The following WIPI2 variants were observed in gnomAD, a reference collection of about 807,000 sequenced individuals.
WIPI2 encodes the protein WD repeat domain, phosphoinositide interacting 2.
A neutral mutation model predicts 52.3 loss-of-function variants in WIPI2; 28 were observed. That is an observed-to-expected ratio of 0.54 (90% CI 0.40 to 0.73). WIPI2 has a LOEUF of 0.73. WIPI2 is among the 30% of genes least tolerant of loss of function. WIPI2 has a pLI of 0.00. For missense variants in WIPI2, 506 were observed against 602.9 expected, an observed-to-expected ratio of 0.84 and a Z score of 1.68; for synonymous variants, 268 against 245.0, an observed-to-expected ratio of 1.09 and a Z score of -0.88.
chr7:5,193,850 T>G (rs2115192676), intron 2 of WIPI2, among the ~76,000 whole-genome samples: 1 of 152,336 alleles, frequency 6.6e-6, no homozygotes, highest in Non-Finnish European at 1.5e-5. Context: ...GCATTGGGAT[T>G]ACAGGTGTGA....
In WIPI2 at chr7:5,217,075, G is replaced by A. The variant is rs143225291; in HGVS notation, c.479-15G>A. The A allele has an allele frequency of 6.2e-4, 995 of 1,601,554 alleles. 2 individuals are homozygous for A. The highest frequency in any genetic ancestry group is 7.5e-4 in the Non-Finnish European group (879 of 1,169,756). On this transcript the variant is annotated splice_polypyrimidine_tract_variant and intron_variant, in intron 5 of 12. Transcript: ENST00000288828. ...GGTGGAAGTTTGCATCTCGTCCTCC[G>A]TGTGTCATTTGCAGGCCTGTGTGCG...
chr7:5,199,831 G>A (rs771651860), intron 3 of WIPI2, among the ~76,000 whole-genome samples, 173 bp downstream of exon 3: 2 of 152,152 alleles, frequency 1.3e-5, no homozygotes, highest in East Asian at 1.9e-4. Flanking sequence ...ACCTGTGGCC[G>A]TCTGCCCTGA....
chr7:5,205,189 T>G (rs993098754), intron 3 of WIPI2, among the ~76,000 whole-genome samples: 22 of 152,252 alleles, frequency 1.4e-4, no homozygotes, highest in African/African-American at 5.1e-4. Context: ...TTGGCTAGGC[T>G]GGTCTGGAAC....
In WIPI2 at chr7:5,190,414, C is replaced by G; in HGVS notation, c.-6C>G. On this transcript the variant is annotated 5_prime_UTR_variant, in exon 1 of 13. Coordinates refer to ENST00000288828, the MANE Select transcript of WIPI2 (RefSeq NM_015610.4). ...CCGGCCGGGCCCACTCGCCGCGCGCCCAGCCATGAACCTGGCGAGCCAGAG... is the reference window on the plus strand; with the variant it reads ...CCGGCCGGGCCCACTCGCCGCGCGCGCAGCCATGAACCTGGCGAGCCAGAG... The G allele has an allele frequency of 7.1e-7, 1 of 1,414,832 alleles. No individual in the cohort carries two copies. 87.6% of individuals were successfully genotyped at this position (1,414,832 alleles called of 1,614,324 possible).
At chr7:5,195,770 G>A (rs1346812135) in intron 2 of WIPI2, among the ~76,000 whole-genome samples, 7 of 152,128 alleles carry the variant, frequency 4.6e-5, no homozygotes, top group East Asian at 1.9e-4. Flanking sequence ...GGCCAGGCAC[G>A]GTGGTCACGC....
intron 11 of WIPI2, 107 bp downstream of exon 11, chr7:5,228,318 G>A (rs1783545958): frequency 4.6e-6 from 5 of 1,080,776 alleles, no homozygotes; most frequent in South Asian, 3.2e-5. Flanking sequence ...GACATAGAGG[G>A]GCAGATTCCA....
intron 3 of WIPI2, among the ~76,000 whole-genome samples, chr7:5,211,457 A>G (rs764664830): frequency 6.6e-6 from 1 of 152,164 alleles, no homozygotes; most frequent in Non-Finnish European, 1.5e-5. Flanking sequence ...GGGCAACAAA[A>G]GCAAAACTCT....
chr7:5,221,529 C>T (rs1783128774), intron 7 of WIPI2, among the ~76,000 whole-genome samples: 1 of 152,106 alleles, frequency 6.6e-6, no homozygotes, highest in South Asian at 2.1e-4. Flanking sequence ...TCTTTTTGTG[C>T]TAATTTAATA....
At chr7:5,192,092 G>A (rs1452943326) in intron 1 of WIPI2, among the ~76,000 whole-genome samples, 1 of 152,138 alleles carries the variant, frequency 6.6e-6, no homozygotes, top group Non-Finnish European at 1.5e-5. Flanking sequence ...TCTGAAGACA[G>A]TGAATTTAGA....
At chr7:5,192,139 C>G (rs1393550063) in intron 1 of WIPI2, among the ~76,000 whole-genome samples, 2 of 152,132 alleles carry the variant, frequency 1.3e-5, no homozygotes, top group Non-Finnish European at 2.9e-5. Context: ...TGAAAACTCC[C>G]AAGTACTGTA....
chr7:5,220,816 GAC>G (rs1374041935), intron 7 of WIPI2, among the ~76,000 whole-genome samples: 1 of 151,302 alleles, frequency 6.6e-6, no homozygotes, highest in Non-Finnish European at 1.5e-5. Flanking sequence ...TTTTTTTTGA[GAC>G]AGAGTCTCTC....
chr7:5,228,458 G>A (rs141015024), intron 11 of WIPI2, among the ~76,000 whole-genome samples: 56 of 152,348 alleles, frequency 3.7e-4, no homozygotes, highest in South Asian at 1.0e-3. Context: ...GCACAGAGGC[G>A]ACGCAGGGGT....
chr7:5,214,318 G>C (rs761046714), intron 3 of WIPI2: 35 of 1,556,336 alleles, frequency 2.2e-5, no homozygotes, highest in Non-Finnish European at 2.8e-5. Context: ...TGCTCGTGAG[G>C]GGCCATCCTT....
intron 5 of WIPI2, 73 bp from the exon 6 acceptor site, chr7:5,217,017 G>C (rs1782847231): frequency 7.0e-7 from 1 of 1,422,802 alleles, no homozygotes; most frequent in Non-Finnish European, 9.8e-7. Context: ...AATGAATGCT[G>C]AATTATGTCT....
intron 11 of WIPI2, chr7:5,229,384 T>C (rs1043536288): frequency 7.1e-6 from 3 of 424,784 alleles, no homozygotes; most frequent in African/African-American, 2.0e-5. Flanking sequence ...AAGTGAAATA[T>C]TGTCTTGTTA....
chr7:5,233,698 C>T lies in WIPI2; in HGVS notation c.*2751C>T, dbSNP rs188315573. ...GCCTGGGAGCCTGCGTTTTCTGGAC[C>T]GTTCCATGGGACTCATCCCTACCTC... On this transcript the variant is annotated 3_prime_UTR_variant, in exon 13 of 13. Coordinates refer to ENST00000288828, the MANE Select transcript of WIPI2 (RefSeq NM_015610.4). The T allele has an allele frequency of 1.3e-5, 2 of 152,304 alleles. No homozygotes were observed. The highest frequency in any genetic ancestry group is 6.5e-5 in the Admixed American group (1 of 15,276). The allele number at this position is 152,304 out of a possible 1,614,324, so 9.4% of individuals were successfully genotyped here. A position where few individuals can be genotyped will look rare whatever the true frequency, so the allele number is the denominator to read the frequency against.
At position 5,190,329 on chromosome 7, in the gene WIPI2, G is replaced by C. The variant is rs1781410154; in HGVS notation, c.-91G>C. 1.1e-6 allele frequency: 1 copy of C among 888,542 alleles called. No individual in the cohort carries two copies. Among genetic ancestry groups the C allele is most frequent in the Non-Finnish European group, 1.5e-6 (1 of 680,150 alleles). The allele number at this position is 888,542 out of a possible 1,614,324, so 55.0% of individuals were successfully genotyped here. ...GGCGAGTGGCGGCGACCGAGGCGGC[G>C]AGCGGGGCCCGGCGCCGACCCTGAG... On this transcript the variant is annotated 5_prime_UTR_variant, in exon 1 of 13. Transcript: ENST00000288828.
intron 2 of WIPI2, chr7:5,193,456 T>C: frequency 1.3e-6 from 1 of 762,320 alleles, no homozygotes. Context: ...TTATGAAGTG[T>C]GTGGAGACAA....
chr7:5,219,484 C>G (rs1301787455), intron 7 of WIPI2, among the ~76,000 whole-genome samples: 1 of 151,912 alleles, frequency 6.6e-6, no homozygotes, highest in East Asian at 1.9e-4. Context: ...AAAGAGGAAC[C>G]TTGATTGCTT....
Sources: gnomAD v4.1 joint callset for allele counts (sites outside exome capture counted in the v4.1 genomes callset) on GRCh38, gnomAD v4.1.1 for gene constraint, MANE v1.5 for transcripts, NCBI Gene and HGNC (gene_info 2026-07-23, HGNC 2026-07-21) for gene names.